Variants in ZBTB34 observed in about 807,000 individuals in gnomAD.
The protein encoded by ZBTB34 is zinc finger and BTB domain-containing protein 34.
In ZBTB34, 1 loss-of-function variant was observed where a neutral mutation model predicts 33.4. The ratio of observed to expected loss-of-function variants is 0.03; its 90% CI spans 0.01 to 0.14. The LOEUF (loss-of-function observed/expected upper bound fraction) is 0.14. ZBTB34 is among the 10% of genes least tolerant of loss of function. ZBTB34 has a pLI of 1.00. For synonymous variants in ZBTB34, 283 were observed against 253.5 expected (o/e 1.12, Z -1.11); for missense variants, 406 against 657.2 (o/e 0.62, Z 4.18).
In ZBTB34 at chr9:126,879,362, G is replaced by A; in HGVS notation, c.-10-28G>A. 1 of 1,557,284 alleles carries A rather than the reference G, an allele frequency of 6.4e-7. No individual in the cohort carries two copies. The highest frequency in any genetic ancestry group is 8.7e-7 in the Non-Finnish European group (1 of 1,147,808). ...TTGTACTTAGTGAGGAGTCATTGGT[G>A]AATGATGCAAACTCTCTCTCTCCGC... On this transcript the variant is annotated intron_variant, in intron 1 of 1. Transcript: ENST00000319119. The surrounding 1 kb of genome is among the most constrained non-coding windows in gnomAD (Gnocchi z 6.4).
At chr9:126,868,605 C>T (rs1231557833) in intron 1 of ZBTB34, among the ~76,000 whole-genome samples, 4 of 152,218 alleles carry the variant, frequency 2.6e-5, no homozygotes, top group African/African-American at 7.2e-5. Flanking sequence ...GTGTGGCTTC[C>T]ATGTCTGCCG....
intron 1 of ZBTB34, among the ~76,000 whole-genome samples, chr9:126,872,108 G>A (rs563640765): frequency 1.3e-4 from 20 of 151,978 alleles, no homozygotes; most frequent in Admixed American, 3.3e-4. Context: ...TACCATGCCC[G>A]CCTAATTTTT....
chr9:126,865,841 T>C (rs2033192984), intron 1 of ZBTB34, among the ~76,000 whole-genome samples: 1 of 152,036 alleles, frequency 6.6e-6, no homozygotes, highest in South Asian at 2.1e-4. Flanking sequence ...AAAAATTAGC[T>C]GAATGTGGTG....
intron 1 of ZBTB34, among the ~76,000 whole-genome samples, chr9:126,862,320 T>G (rs1016550908): frequency 1.3e-5 from 2 of 152,126 alleles, no homozygotes; most frequent in African/African-American, 2.4e-5. Flanking sequence ...AGGTCAAAGT[T>G]GAAACTACTG....
rs2033169117 is a variant in ZBTB34, at chr9:126,863,775, C to G, written c.-11+3036C>G. 4.4e-6 allele frequency: 4 copies of G among 917,526 alleles called. No individual in the cohort carries two copies. The South Asian group carries it at 1.5e-4, about 34-fold the overall frequency. 56.8% of individuals were successfully genotyped at this position (917,526 alleles called of 1,614,324 possible). A position where few individuals can be genotyped will look rare whatever the true frequency, so the allele number is the denominator to read the frequency against. On this transcript the variant is annotated intron_variant, in intron 1 of 1. Coordinates refer to ENST00000319119, the Ensembl canonical transcript of ZBTB34. ...CTTAATGTATTTTCCAGGGCCAGTG[C>G]CCCTGAAATGCTAGCCAGCAGTAAG...
chr9:126,879,819 T>G lies in ZBTB34; in HGVS notation c.420T>G (p.Ser140=). 6.2e-7 allele frequency: 1 copy of G among 1,613,316 alleles called. No individual in the cohort carries two copies. Among genetic ancestry groups the G allele is most frequent in the South Asian group, 1.1e-5 (1 of 91,088 alleles). The stretch of plus-strand genomic sequence containing the variant: ...AAATCAGCGTTGGAGATGTTGACTC[T>G]GTTACCGTCGGTGCTGAAGAGAATC... The change falls in exon 2 of 2, where the codon TCT becomes TCG. Residue 140 remains serine, a synonymous_variant. Transcript: ENST00000319119. This position sits in a 1 kb window ranked among gnomAD's most constrained non-coding sequence, Gnocchi z 6.4.
At chr9:126,868,492 T>A (rs540511656) in intron 1 of ZBTB34, among the ~76,000 whole-genome samples, 2 of 152,312 alleles carry the variant, frequency 1.3e-5, no homozygotes, top group East Asian at 3.9e-4. Context: ...AGTGCCTCAC[T>A]GTGTGAGTGT....
In ZBTB34 at chr9:126,880,766, C is replaced by T. The variant is rs886343716; in HGVS notation, c.1367C>T (p.Pro456Leu). ...AACCAGCACTTGCGGAAAAACCACCCAGGCGTTGCTGAAGTCAGGAGTCGC... is the reference window on the plus strand; with the variant it reads ...AACCAGCACTTGCGGAAAAACCACCTAGGCGTTGCTGAAGTCAGGAGTCGC... The change falls in exon 2 of 2, where the codon CCA becomes CTA. Residue 456 changes from proline to leucine, a missense_variant. Physicochemically the swap from Pro to Leu is moderately conservative, Grantham distance 98 (BLOSUM62 -3). Transcript: ENST00000319119. This position sits in a 1 kb window ranked among gnomAD's most constrained non-coding sequence, Gnocchi z 6.7. The T allele has an allele frequency of 3.7e-6, 6 of 1,613,726 alleles. No homozygotes were observed. Among genetic ancestry groups the T allele is most frequent in the Non-Finnish European group, 4.2e-6 (5 of 1,179,850 alleles).
At chr9:126,876,482 A>G in intron 1 of ZBTB34, among the ~76,000 whole-genome samples, 1 of 151,652 alleles carries the variant, frequency 6.6e-6, no homozygotes, top group East Asian at 2.0e-4. Context: ...TCATCTATTT[A>G]TTTCTGAAGA....
chr9:126,875,363 A>G (rs1278030816), intron 1 of ZBTB34, among the ~76,000 whole-genome samples: 2 of 152,210 alleles, frequency 1.3e-5, no homozygotes, highest in Admixed American at 6.5e-5. Context: ...GATGAATTTT[A>G]AAATCATTTT....
In ZBTB34 at chr9:126,879,307, A is replaced by C; in HGVS notation, c.-10-83A>C. The C allele has an allele frequency of 1.8e-6, 2 of 1,090,632 alleles. No individual in the cohort carries two copies. Among genetic ancestry groups the C allele is most frequent in the Non-Finnish European group, 1.3e-6 (1 of 750,232 alleles). 67.6% of individuals were successfully genotyped at this position (1,090,632 alleles called of 1,614,324 possible). A position where few individuals can be genotyped will look rare whatever the true frequency, so the allele number is the denominator to read the frequency against. On this transcript the variant is annotated intron_variant, in intron 1 of 1. Coordinates refer to ENST00000319119, the Ensembl canonical transcript of ZBTB34. The surrounding 1 kb of genome is among the most constrained non-coding windows in gnomAD (Gnocchi z 6.4). ...TAGGAGGTATGATAGCCACAATGGTATTGTTGTTGTAAGCTTGTGTTTATG... is the reference window on the plus strand; with the variant it reads ...TAGGAGGTATGATAGCCACAATGGTCTTGTTGTTGTAAGCTTGTGTTTATG...
chr9:126,865,052 A>T (rs1287786826), intron 1 of ZBTB34, among the ~76,000 whole-genome samples: 1 of 152,230 alleles, frequency 6.6e-6, no homozygotes, highest in Non-Finnish European at 1.5e-5. Context: ...GGTGCCTTAA[A>T]CAACTTCCAA....
chr9:126,867,447 C>CT (rs201325256), intron 1 of ZBTB34, among the ~76,000 whole-genome samples: 13,101 of 119,452 alleles, frequency 0.11, 1,030 homozygotes, highest in East Asian at 0.39. Flanking sequence ...TGTCATTTTT[C>CT]TTTTTTTTTT....
chr9:126,861,177 G>C (rs928984907), intron 1 of ZBTB34, among the ~76,000 whole-genome samples: 28 of 152,312 alleles, frequency 1.8e-4, no homozygotes, highest in Middle Eastern at 6.8e-3. Context: ...GCCGGGCCAG[G>C]GGTCGGCCCT....
chr9:126,881,060 T>C (rs1260406599), exon 2 of ZBTB34: 21 of 939,124 alleles, frequency 2.2e-5, no homozygotes, highest in Non-Finnish European at 2.8e-5. Context: ...GAACACTTCG[T>C]TGTGTTTATC....
chr9:126,875,745 G>A (rs1311290221), intron 1 of ZBTB34, among the ~76,000 whole-genome samples: 1 of 152,136 alleles, frequency 6.6e-6, no homozygotes, highest in Admixed American at 6.6e-5. Flanking sequence ...ATATCTGCAT[G>A]TAATAGTAAT....
In ZBTB34 at chr9:126,880,925, A is replaced by G. The variant is rs1406452502; in HGVS notation, c.*11A>G. 8.1e-6 allele frequency: 13 copies of G among 1,596,178 alleles called. No homozygotes were observed. The highest frequency in any genetic ancestry group is 1.1e-5 in the Non-Finnish European group (13 of 1,169,950). On this transcript the variant is annotated 3_prime_UTR_variant, in exon 2 of 2. Coordinates refer to ENST00000319119, the Ensembl canonical transcript of ZBTB34. The surrounding 1 kb of genome is among the most constrained non-coding windows in gnomAD (Gnocchi z 6.7). ...GATGCTCCCGATTAAGATGGTAAAG[A>G]AGTGCACCCAAACAAAGCACATTAA...
At chr9:126,860,903 G>GCGGGCGGGAGCCGAGGC (rs923115701) in intron 1 of ZBTB34, among the ~76,000 whole-genome samples, 164 bp downstream of exon 1, 4 of 149,606 alleles carry the variant, frequency 2.7e-5, no homozygotes, top group African/African-American at 9.7e-5. Context: ...GGCGGCCGGC[G>GCGGGCGGGAGCCGAGGC]CGGGCGGGAG....
intron 1 of ZBTB34, among the ~76,000 whole-genome samples, chr9:126,875,613 C>G (rs551057975): frequency 6.3e-4 from 96 of 152,138 alleles, no homozygotes; most frequent in African/African-American, 2.2e-3. Context: ...GTTGGTTGCA[C>G]CTTATTGTCA....
Sources: gnomAD v4.1 joint callset for allele counts (sites outside exome capture counted in the v4.1 genomes callset) on GRCh38, gnomAD v4.1.1 for gene constraint, Gnocchi (gnomAD v3.1) non-coding constraint, MANE v1.5 for transcripts, NCBI Gene and HGNC (gene_info 2026-07-23, HGNC 2026-07-21) for gene names.